NBPF9: variants seen among roughly 807,000 people sequenced by gnomAD.
The protein encoded by NBPF9 is NBPF family member NBPF9.
Under a neutral mutation model 97.8 loss-of-function variants are expected in NBPF9, and 91 were observed. The observed-to-expected ratio is 0.93, with a 90% CI of 0.79 to 1.11. NBPF9 has a LOEUF of 1.11. Ranked by LOEUF, NBPF9 falls within the 50% of genes least tolerant of loss-of-function variation. NBPF9 has a pLI of 0.00. For missense variants in NBPF9, 992 were observed against 939.5 expected, an observed-to-expected ratio of 1.06 and a Z score of -0.73; for synonymous variants, 334 against 359.5, an observed-to-expected ratio of 0.93 and a Z score of 0.80.
chr1:149,100,228 C>T, intron 3 of NBPF9, among the ~76,000 whole-genome samples: 1 of 130,528 alleles, frequency 7.7e-6, no homozygotes, highest in Middle Eastern at 3.6e-3. Flanking sequence ...CTCTGTGAGG[C>T]TCAAATAACA....
At chr1:149,088,790 A>C (rs71267368) in intron 5 of NBPF9, among the ~76,000 whole-genome samples, 6 of 151,906 alleles carry the variant, frequency 3.9e-5, no homozygotes, top group African/African-American at 1.5e-4. Context: ...AGGCTGAGGC[A>C]GGCGGATCAC....
At chr1:149,079,551 C>T (rs1392937562) in intron 8 of NBPF9, among the ~76,000 whole-genome samples, 1 of 148,680 alleles carries the variant, frequency 6.7e-6, no homozygotes, top group African/African-American at 2.5e-5. Context: ...TGTGAAAATA[C>T]ACATAGTGCA....
At chr1:149,055,695 G>C (rs200807256) in exon 30 of NBPF9, 8 of 1,611,794 alleles carry the variant, frequency 5.0e-6, no homozygotes, top group Non-Finnish European at 6.8e-6. Context: ...ACACCAGGTG[G>C]AGACTTGTCA....
intron 15 of NBPF9, 69 bp downstream of exon 15, chr1:149,071,535 G>A (rs2079410640): frequency 4.2e-6 from 4 of 950,192 alleles, no homozygotes; most frequent in East Asian, 5.5e-5. Flanking sequence ...AGATGCCAGA[G>A]AGGGTGTGCC....
At chr1:149,056,193 T>A (rs1553648943) in intron 29 of NBPF9, among the ~76,000 whole-genome samples, 1 of 150,468 alleles carries the variant, frequency 6.6e-6, no homozygotes. Context: ...TCTGAGTTAG[T>A]GCCCTCATGA....
Position 149,074,498 on chromosome 1 carries a change from G to C in NBPF9, c.989-628C>G, listed in dbSNP as rs587751994. ...AGAACTAATAGATAGTGTTTACTCT[G>C]TGCCAATAAATGTTCTAGGAGACTG... On this transcript the variant is annotated intron_variant, in intron 12 of 29. Coordinates refer to ENST00000584027, the Ensembl canonical transcript of NBPF9. Among the ~76,000 whole-genome samples the C allele has an allele frequency of 3.7e-3, 568 of 151,658 alleles. 15 individuals are homozygous for C. Among genetic ancestry groups the C allele is most frequent in the Non-Finnish European group, 5.6e-3 (380 of 67,754 alleles).
At chr1:149,055,457 T>C (rs1575818445) in exon 30 of NBPF9, 4 of 894,310 alleles carry the variant, frequency 4.5e-6, no homozygotes, top group East Asian at 5.1e-5. Flanking sequence ...TATGTGAACG[T>C]GTCACACCTA....
chr1:149,084,921 C>T (rs373573812), intron 5 of NBPF9, among the ~76,000 whole-genome samples: 3 of 151,532 alleles, frequency 2.0e-5, no homozygotes, highest in East Asian at 2.0e-4. Context: ...ACTGCCAAGA[C>T]GCTAGGCCTG....
At chr1:149,074,063 G>A (rs587668509) in intron 12 of NBPF9, among the ~76,000 whole-genome samples, 193 bp from the exon 13 acceptor site, 42 of 150,930 alleles carry the variant, frequency 2.8e-4, no homozygotes, top group African/African-American at 7.5e-4. Context: ...ATTTAAAGAC[G>A]AAGAAAGAGA....
intron 23 of NBPF9, 99 bp from the exon 24 acceptor site, chr1:149,060,794 A>G: frequency 2.6e-6 from 1 of 379,468 alleles, no homozygotes. Context: ...TGGTTAAAAA[A>G]CTAAAAGGAT....
At chr1:149,082,112 T>C in exon 7 of NBPF9, 6 of 1,611,858 alleles carry the variant, frequency 3.7e-6, no homozygotes, top group Non-Finnish European at 5.1e-6. Context: ...GCCTTCTCGC[T>C]GGACCAAGGG....
chr1:149,078,997 G>A lies in NBPF9; in HGVS notation c.493+10C>T. ...GGGTTTTGGGTCATCAGGGCCTATG[G>A]CCACCTTACCTGGGCTGAGCTTTTG... is the stretch of plus-strand genomic sequence containing the variant. On this transcript the variant is annotated intron_variant, in intron 9 of 29. Transcript: ENST00000584027. The A allele has an allele frequency of 7.5e-7, 1 of 1,330,222 alleles. No homozygotes were observed. The highest frequency in any genetic ancestry group is 1.1e-6 in the Non-Finnish European group (1 of 938,770). The allele number at this position is 1,330,222 out of a possible 1,614,324, so 82.4% of individuals were successfully genotyped here.
intron 14 of NBPF9, among the ~76,000 whole-genome samples, chr1:149,072,218 G>A (rs1206125616): frequency 2.4e-4 from 36 of 151,482 alleles, no homozygotes; most frequent in African/African-American, 4.4e-4. Context: ...AACATCACAC[G>A]GCGAGGGCCT....
exon 14 of NBPF9, chr1:149,072,719 T>C (rs1553653232): frequency 1.2e-6 from 2 of 1,611,608 alleles, no homozygotes; most frequent in Admixed American, 3.3e-5. Flanking sequence ...CCACCTTACC[T>C]GGGCTGAGCT....
downstream of NBPF9, chr1:149,053,922 A>G (rs1368179440): frequency 6.8e-6 from 1 of 146,620 alleles, no homozygotes; most frequent in Non-Finnish European, 1.5e-5. Context: ...ACAGACACAC[A>G]CACACTCACA....
intron 3 of NBPF9, among the ~76,000 whole-genome samples, chr1:149,099,857 C>T (rs2082032302): frequency 6.6e-6 from 1 of 150,922 alleles, no homozygotes; most frequent in South Asian, 2.1e-4. Flanking sequence ...TGGTGCATGC[C>T]TGTAGACCCA....
chr1:149,102,752 G>A (rs2082228746), exon 2 of NBPF9: 1 of 151,862 alleles, frequency 6.6e-6, no homozygotes, highest in Non-Finnish European at 1.5e-5. Flanking sequence ...GTGAATTAGA[G>A]GCCTGCCCCG....
chr1:149,062,340 C>T, intron 21 of NBPF9, 75 bp from the exon 22 acceptor site: 3 of 612,136 alleles, frequency 4.9e-6, no homozygotes, highest in South Asian at 3.8e-5. Context: ...GATTTCATGG[C>T]TAACATAAGG....
At chr1:149,093,144 C>T (rs1383608506) in intron 4 of NBPF9, among the ~76,000 whole-genome samples, 1 of 151,826 alleles carries the variant, frequency 6.6e-6, no homozygotes, top group Non-Finnish European at 1.5e-5. Context: ...AACACGTGAA[C>T]AAATGTCTCT....
Sources: gnomAD v4.1 joint callset for allele counts (sites outside exome capture counted in the v4.1 genomes callset) on GRCh38, gnomAD v4.1.1 for gene constraint, MANE v1.5 for transcripts, NCBI Gene and HGNC (gene_info 2026-07-23, HGNC 2026-07-21) for gene names.